CCNF: variants seen among roughly 807,000 people sequenced by gnomAD.
CCNF encodes the protein cyclin-F.
CCNF carries 30 observed loss-of-function variants against 85.4 expected under a neutral mutation model. That is an observed-to-expected ratio of 0.35 (90% CI 0.26 to 0.48). The LOEUF is 0.48. CCNF is among the 20% of genes least tolerant of loss of function. CCNF has a pLI of 0.99. For synonymous variants in CCNF, 439 were observed against 425.1 expected (o/e 1.03, Z -0.40); for missense variants, 919 against 1,010.4 (o/e 0.91, Z 1.23).
In CCNF at chr16:2,439,350, T is replaced by C. The variant is rs2065308680; in HGVS notation, c.595-3T>C. On this transcript the variant is annotated splice_polypyrimidine_tract_variant and splice_region_variant and intron_variant, in intron 6 of 16. Coordinates refer to ENST00000397066, the MANE Select transcript of CCNF (RefSeq NM_001761.3). Reference sequence around the variant, plus strand: ...CAATGAACTCTGCTGGGATTTATTCTAGGATGAGGAGAAGCAGCAGCAGGC... The same window carrying C: ...CAATGAACTCTGCTGGGATTTATTCCAGGATGAGGAGAAGCAGCAGCAGGC... 1 of 1,598,122 alleles carries C rather than the reference T, an allele frequency of 6.3e-7. No homozygotes were observed. Among genetic ancestry groups the C allele is most frequent in the Non-Finnish European group, 8.5e-7 (1 of 1,170,942 alleles).
In CCNF at chr16:2,445,437, C is replaced by A. The variant is rs1357663597; in HGVS notation, c.930-21C>A. On this transcript the variant is annotated intron_variant, in intron 9 of 16. Coordinates refer to ENST00000397066, the MANE Select transcript of CCNF (RefSeq NM_001761.3). The stretch of plus-strand genomic sequence containing the variant: ...CATGGAGAACGCCCCCACCAGTTCC[C>A]ACGTGCTTCTCTTTCCGCAGGTACA... 1.9e-6 allele frequency: 3 copies of A among 1,613,418 alleles called. No individual in the cohort carries two copies. The East Asian group carries it at 6.7e-5, about 36-fold the overall frequency.
chr16:2,444,140 C>T (rs2065348129), intron 9 of CCNF, among the ~76,000 whole-genome samples: 1 of 151,934 alleles, frequency 6.6e-6, no homozygotes, highest in African/African-American at 2.4e-5. Context: ...AGGATGGTCT[C>T]AATCTCCTGA....
At chr16:2,432,474 G>A (rs898386200) in intron 2 of CCNF, among the ~76,000 whole-genome samples, 5 of 152,096 alleles carry the variant, frequency 3.3e-5, no homozygotes, top group Non-Finnish European at 7.4e-5. Context: ...CCAGGTCCTG[G>A]CCTGGACACT....
At chr16:2,446,809 G>C (rs958440926) in intron 10 of CCNF, among the ~76,000 whole-genome samples, 1 of 152,214 alleles carries the variant, frequency 6.6e-6, no homozygotes, top group African/African-American at 2.4e-5. Context: ...CCACCAACTA[G>C]GGTGCTGCCC....
intron 10 of CCNF, among the ~76,000 whole-genome samples, chr16:2,446,424 C>G (rs4544244): frequency 0.75 from 114,751 of 152,294 alleles, 44,172 homozygotes; most frequent in African/African-American, 0.92. Flanking sequence ...TGTCTCTCAG[C>G]AGCAGCGTGC....
chr16:2,437,092 G>A (rs370349434), intron 4 of CCNF, 37 bp from the exon 5 acceptor site: 14 of 1,490,876 alleles, frequency 9.4e-6, no homozygotes, highest in Non-Finnish European at 1.3e-5. Context: ...CCGTCCCTAA[G>A]AGACATCCCT....
At chr16:2,443,199 T>C (rs947849368) in intron 8 of CCNF, among the ~76,000 whole-genome samples, 9 of 140,206 alleles carry the variant, frequency 6.4e-5, no homozygotes, top group African/African-American at 2.4e-4. Flanking sequence ...TATATATATT[T>C]CTCTGTTTTT....
chr16:2,447,675 T>C (rs1292544781), intron 10 of CCNF, among the ~76,000 whole-genome samples: 1 of 151,762 alleles, frequency 6.6e-6, no homozygotes, highest in Non-Finnish European at 1.5e-5. Flanking sequence ...CACTTGAACC[T>C]GGGAGGCGGA....
chr16:2,445,377 C>T, intron 9 of CCNF, 81 bp from the exon 10 acceptor site: 1 of 1,494,688 alleles, frequency 6.7e-7, no homozygotes, highest in Non-Finnish European at 9.2e-7. Flanking sequence ...TTTGGTCGGG[C>T]CCAACAGGTG....
At chr16:2,442,059 G>A (rs1415434854) in intron 8 of CCNF, among the ~76,000 whole-genome samples, 4 of 142,792 alleles carry the variant, frequency 2.8e-5, no homozygotes, top group African/African-American at 7.8e-5. Context: ...AGGCTGGAGC[G>A]CAGTGGCACA....
At position 2,453,403 on chromosome 16, in the gene CCNF, C is replaced by T. The variant is rs776665495; in HGVS notation, c.1588-7C>T. 2.5e-6 allele frequency: 4 copies of T among 1,613,936 alleles called. No homozygotes were observed. Among genetic ancestry groups the T allele is most frequent in the Non-Finnish European group, 2.5e-6 (3 of 1,179,992 alleles). On this transcript the variant is annotated splice_region_variant and splice_polypyrimidine_tract_variant and intron_variant, in intron 14 of 16. Coordinates refer to ENST00000397066, the MANE Select transcript of CCNF (RefSeq NM_001761.3). This position sits in a 1 kb window ranked among gnomAD's most constrained non-coding sequence, Gnocchi z 5.6. Reference sequence around the variant, plus strand: ...CTCTGCACCCCCTAACTCTAGCTTCCCCTCAGGTGCTGAGCTACAGCCAGT... The same window carrying T: ...CTCTGCACCCCCTAACTCTAGCTTCTCCTCAGGTGCTGAGCTACAGCCAGT...
Position 2,437,293 on chromosome 16 carries a change from A to G in CCNF, c.511A>G (p.Ser171Gly). ...CTGCTGCAAGGCCGTGGTTCACGAG[A>G]GCCTCAGGGCAGAGTGCCAGCTGCA... Reference protein sequence around the residue: ...GSCCKAVVHESLRAECQLQRT... With the variant: ...GSCCKAVVHEGLRAECQLQRT... Residue 171 changes from serine (S) to glycine (G), a missense_variant, in exon 5 of 17, where the codon AGC becomes GGC. Around this residue, in one of 3 missense-constraint regions of CCNF, gnomAD observed 410 missense variants for 478.6 expected, o/e 0.86. Transcript: ENST00000397066. The G allele has an allele frequency of 6.2e-7, 1 of 1,604,342 alleles. No individual in the cohort carries two copies. The highest frequency in any genetic ancestry group is 8.5e-7 in the Non-Finnish European group (1 of 1,176,884).
intron 3 of CCNF, 56 bp from the exon 4 acceptor site, chr16:2,435,750 G>A: frequency 7.8e-7 from 1 of 1,279,696 alleles, no homozygotes; most frequent in Middle Eastern, 1.8e-4. Context: ...TGCTGTAGTA[G>A]TTCATAACGT....
intron 2 of CCNF, 115 bp from the exon 3 acceptor site, chr16:2,432,846 G>C (rs2065269532): frequency 1.7e-6 from 1 of 585,492 alleles, no homozygotes. Context: ...CAACTACTTG[G>C]GATGGCGAGG....
chr16:2,445,522 C>A lies in CCNF; in HGVS notation c.994C>A (p.His332Asn). Reference protein sequence around the residue: ...TMKDFTSLCLHLTVECVDRYL... With the variant: ...TMKDFTSLCLNLTVECVDRYL... ...GAAGGACTTCACAAGCCTGTGCCTG[C>A]ACCTGACCGTGGAGTGTGTGGACCG... is the stretch of plus-strand genomic sequence containing the variant. Residue 332 changes from histidine to asparagine, a missense_variant, in exon 10 of 17, where the codon CAC becomes AAC. His to Asn is a moderately conservative substitution (Grantham distance 68). This residue lies in a region of CCNF where 410 missense variants were observed against 478.6 expected (regional missense o/e 0.86). Coordinates refer to ENST00000397066, the MANE Select transcript of CCNF (RefSeq NM_001761.3). 1 of 1,614,160 alleles carries A rather than the reference C, an allele frequency of 6.2e-7. No homozygotes were observed. The highest frequency in any genetic ancestry group is 8.5e-7 in the Non-Finnish European group (1 of 1,180,024).
rs2141834398 is a variant in CCNF, at chr16:2,457,439, A to G, written c.*419A>G. The G allele has an allele frequency of 6.2e-6, 1 of 161,110 alleles. No homozygotes were observed. Among genetic ancestry groups the G allele is most frequent in the African/African-American group, 2.4e-5 (1 of 41,698 alleles). The allele number at this position is 161,110 out of a possible 1,614,324, so 10.0% of individuals were successfully genotyped here. Reference sequence around the variant, plus strand: ...AGACACCACTTGAGCCCCTGCCCACATCTGCTGGTTTGGGGCTTCAGTGGG... The same window carrying G: ...AGACACCACTTGAGCCCCTGCCCACGTCTGCTGGTTTGGGGCTTCAGTGGG... On this transcript the variant is annotated 3_prime_UTR_variant, in exon 17 of 17. Coordinates refer to ENST00000397066, the MANE Select transcript of CCNF (RefSeq NM_001761.3).
At chr16:2,439,292 C>G in intron 6 of CCNF, 61 bp from the exon 7 acceptor site, 1 of 1,412,326 alleles carries the variant, frequency 7.1e-7, no homozygotes, top group Non-Finnish European at 9.7e-7. Context: ...GTGAAACTGT[C>G]TCAAAAAATA....
At chr16:2,455,863 G>A (rs999357799) in intron 16 of CCNF, among the ~76,000 whole-genome samples, 13 of 152,320 alleles carry the variant, frequency 8.5e-5, no homozygotes, top group African/African-American at 2.9e-4. Context: ...GGGAGGCAGA[G>A]ACCCTGTCTG....
Position 2,437,329 on chromosome 16 carries a change from C to T in CCNF, c.540+7C>T, listed in dbSNP as rs775622915. ...AGAGTGCCAGCTGCAGAGGGTGAGTCTGGGCGAGGGGCAGCACCTGCGAGG... is the reference window on the plus strand; with the variant it reads ...AGAGTGCCAGCTGCAGAGGGTGAGTTTGGGCGAGGGGCAGCACCTGCGAGG... On this transcript the variant is annotated splice_region_variant and intron_variant, in intron 5 of 16. Coordinates refer to ENST00000397066, the MANE Select transcript of CCNF (RefSeq NM_001761.3). The T allele has an allele frequency of 1.3e-6, 2 of 1,574,788 alleles. No individual in the cohort carries two copies. Among genetic ancestry groups the T allele is most frequent in the African/African-American group, 2.7e-5 (2 of 74,472 alleles).
Sources: gnomAD v4.1 joint callset for allele counts (sites outside exome capture counted in the v4.1 genomes callset) on GRCh38, gnomAD v4.1.1 for gene constraint, gnomAD v4.1.1 regional missense constraint, Gnocchi (gnomAD v3.1) non-coding constraint, MANE v1.5 for transcripts, NCBI Gene and HGNC (gene_info 2026-07-23, HGNC 2026-07-21) for gene names.